Variants in GATAD2A observed in about 807,000 individuals in gnomAD.
GATAD2A encodes the protein transcriptional repressor p66-alpha.
Under a neutral mutation model 68.5 loss-of-function variants are expected in GATAD2A, and 12 were observed. That is an observed-to-expected ratio of 0.18 (90% CI 0.11 to 0.28). GATAD2A has a LOEUF of 0.28. Among genes scored for constraint, GATAD2A ranks in the 10% least tolerant of loss-of-function variants. The pLI, the probability that GATAD2A is intolerant of heterozygous loss-of-function variation, is 1.00. For missense variants in GATAD2A, 755 were observed against 868.5 expected (o/e 0.87, Z 1.64); for synonymous variants, 410 against 375.3 (o/e 1.09, Z -1.07).
chr19:19,490,326 A>C (rs2059705981), intron 2 of GATAD2A, among the ~76,000 whole-genome samples: 1 of 152,076 alleles, frequency 6.6e-6, no homozygotes, highest in South Asian at 2.1e-4. Flanking sequence ...GTGAAGCCTT[A>C]ACCTCTGGTG....
At chr19:19,426,554 A>G (rs1329905410) in intron 1 of GATAD2A, among the ~76,000 whole-genome samples, 2 of 152,166 alleles carry the variant, frequency 1.3e-5, no homozygotes, top group Non-Finnish European at 2.9e-5. Flanking sequence ...TCTTTTGCCC[A>G]GGCTGGAATA....
chr19:19,504,167 C>CT (rs1365082770), intron 11 of GATAD2A, among the ~76,000 whole-genome samples: 1 of 152,204 alleles, frequency 6.6e-6, no homozygotes, highest in Non-Finnish European at 1.5e-5. Context: ...GATTGTGCCA[C>CT]TGCACTCCAG....
At chr19:19,419,880 G>C (rs1003133643) in intron 1 of GATAD2A, among the ~76,000 whole-genome samples, 2 of 151,982 alleles carry the variant, frequency 1.3e-5, no homozygotes, top group African/African-American at 4.8e-5. Flanking sequence ...TCCTAGGACC[G>C]TCTCAATCAG....
chr19:19,413,073 C>T (rs944320102), intron 1 of GATAD2A, among the ~76,000 whole-genome samples: 2 of 152,186 alleles, frequency 1.3e-5, no homozygotes, highest in African/African-American at 4.8e-5. Context: ...ATATTTTCTA[C>T]TCCCAGTGGG....
chr19:19,489,075 G>C (rs569013052), intron 2 of GATAD2A, among the ~76,000 whole-genome samples: 5 of 152,324 alleles, frequency 3.3e-5, no homozygotes, highest in Admixed American at 2.0e-4. Context: ...CTGAATTAAA[G>C]ATCTCTTTTA....
rs143756915 is a variant in GATAD2A at position 19,408,573 on chromosome 19, T to C, written c.-7+2554T>C. On this transcript the variant is annotated intron_variant, in intron 1 of 11. Coordinates refer to ENST00000683918, the MANE Select transcript of GATAD2A (RefSeq NM_001384528.1). ...ATGAGGAAACATGTTTTAAATACTC[T>C]AATTTTCAACTCTTCAGTAGCTCCT... 5.2e-3 allele frequency among the ~76,000 whole-genome samples: 799 copies of C among 152,326 alleles called. 6 individuals carry two copies. Among genetic ancestry groups the C allele is most frequent in the South Asian group, 0.04 (194 of 4,826 alleles).
chr19:19,461,704 G>A (rs933820482), intron 1 of GATAD2A, among the ~76,000 whole-genome samples: 6 of 152,238 alleles, frequency 3.9e-5, no homozygotes, highest in East Asian at 3.9e-4. Context: ...CAGTGTGTGC[G>A]GGACGTATCA....
intron 1 of GATAD2A, among the ~76,000 whole-genome samples, chr19:19,456,932 G>A (rs1304054461): frequency 6.6e-6 from 1 of 152,082 alleles, no homozygotes; most frequent in African/African-American, 2.4e-5. Context: ...GTGGTTGTGG[G>A]GTAGATGCTC....
intron 1 of GATAD2A, among the ~76,000 whole-genome samples, chr19:19,436,767 C>T (rs1368469028): frequency 6.6e-6 from 1 of 152,236 alleles, no homozygotes; most frequent in Non-Finnish European, 1.5e-5. Context: ...CAAGCCTGGT[C>T]AGCGACGTTT....
At chr19:19,428,825 T>C (rs1485853689) in intron 1 of GATAD2A, among the ~76,000 whole-genome samples, 1 of 152,040 alleles carries the variant, frequency 6.6e-6, no homozygotes, top group African/African-American at 2.4e-5. Context: ...AGGGAAGCCC[T>C]TCAGACACAG....
chr19:19,496,503 C>G (rs2060158637), intron 7 of GATAD2A, among the ~76,000 whole-genome samples: 1 of 152,224 alleles, frequency 6.6e-6, no homozygotes, highest in Non-Finnish European at 1.5e-5. Context: ...GTCTGCTTAC[C>G]AGCCCCATGG....
intron 1 of GATAD2A, chr19:19,457,295 A>G (rs955977061): frequency 2.1e-6 from 2 of 945,270 alleles, no homozygotes; most frequent in Admixed American, 1.2e-4. Flanking sequence ...GGGGCCTCCC[A>G]GAGCTTCTTC....
chr19:19,484,506 A>ATTTTTCTTTTTCT (rs2059274516), intron 2 of GATAD2A, among the ~76,000 whole-genome samples: 1 of 123,436 alleles, frequency 8.1e-6, no homozygotes, highest in African/African-American at 3.0e-5. Context: ...CTGTCACAGG[A>ATTTTTCTTTTTCT]TTTTTCTTTT....
chr19:19,492,483 T>C, intron 3 of GATAD2A, 45 bp downstream of exon 3: 1 of 1,613,064 alleles, frequency 6.2e-7, no homozygotes, highest in South Asian at 1.1e-5. Context: ...ACTGTGCCCT[T>C]CCTACTCATG....
chr19:19,425,795 C>CTTTTCT (rs796778364), intron 1 of GATAD2A, among the ~76,000 whole-genome samples: 1 of 143,354 alleles, frequency 7.0e-6, no homozygotes, highest in African/African-American at 2.5e-5. Flanking sequence ...CTTTTCTTTT[C>CTTTTCT]TTTTTTTTTT....
chr19:19,458,551 T>C (rs1225313583), intron 1 of GATAD2A: 1 of 152,140 alleles, frequency 6.6e-6, no homozygotes, highest in South Asian at 2.1e-4. Flanking sequence ...GAGCTTAACA[T>C]TGAGTTGCAG....
chr19:19,410,447 A>T (rs2050786247), intron 1 of GATAD2A, among the ~76,000 whole-genome samples: 1 of 152,148 alleles, frequency 6.6e-6, no homozygotes. Flanking sequence ...CATGTGGTAC[A>T]GGATTGGGGA....
intron 1 of GATAD2A, among the ~76,000 whole-genome samples, chr19:19,419,585 C>T (rs1167384065): frequency 1.4e-5 from 2 of 146,780 alleles, no homozygotes; most frequent in Non-Finnish European, 3.0e-5. Flanking sequence ...GGTGCAATCT[C>T]AGTTCACTGC....
At chr19:19,426,450 T>TG (rs1449189003) in intron 1 of GATAD2A, among the ~76,000 whole-genome samples, 1 of 152,188 alleles carries the variant, frequency 6.6e-6, no homozygotes, top group Non-Finnish European at 1.5e-5. Context: ...TGTCCATCTA[T>TG]GACATAATGT....
Sources: gnomAD v4.1 joint callset for allele counts (sites outside exome capture counted in the v4.1 genomes callset) on GRCh38, gnomAD v4.1.1 for gene constraint, MANE v1.5 for transcripts, NCBI Gene and HGNC (gene_info 2026-07-23, HGNC 2026-07-21) for gene names.